Variants in PDE4D observed in about 807,000 individuals in gnomAD.
PDE4D encodes phosphodiesterase 4D.
In PDE4D, 24 loss-of-function variants were observed where a neutral mutation model predicts 87.4. The observed-to-expected ratio is 0.27, with a 90% CI of 0.20 to 0.39. The LOEUF (loss-of-function observed/expected upper bound fraction) is 0.39. Ranked by LOEUF, PDE4D falls within the 10% of genes least tolerant of loss-of-function variation. PDE4D has a pLI of 1.00. For synonymous variants in PDE4D, 384 were observed against 383.2 expected (o/e 1.00, Z -0.02); for missense variants, 714 against 1,041.0 (o/e 0.69, Z 4.32).
At chr5:59,241,524 T>G (rs1757677484) in intron 1 of PDE4D, among the ~76,000 whole-genome samples, 1 of 152,190 alleles carries the variant, frequency 6.6e-6, no homozygotes, top group Non-Finnish European at 1.5e-5. Context: ...TGAGAGAATA[T>G]TTGTTAGAGA....
At chr5:59,323,072 C>T (rs1307474087) in intron 1 of PDE4D, among the ~76,000 whole-genome samples, 1 of 152,104 alleles carries the variant, frequency 6.6e-6, no homozygotes, top group African/African-American at 2.4e-5. Flanking sequence ...AATCCCTAAC[C>T]TTTCTATTTT....
At chr5:60,394,965 C>G (rs940915390) in intron 1 of PDE4D, among the ~76,000 whole-genome samples, 3 of 152,170 alleles carry the variant, frequency 2.0e-5, no homozygotes, top group Non-Finnish European at 4.4e-5. Flanking sequence ...TTAGCTGTCT[C>G]ACATTTTCGC....
intron 1 of PDE4D, among the ~76,000 whole-genome samples, chr5:59,498,901 A>G (rs2153663468): frequency 6.6e-6 from 1 of 152,210 alleles, no homozygotes; most frequent in South Asian, 2.1e-4. Context: ...TATTTAATAA[A>G]TTTGATAGTT....
At chr5:59,408,844 T>C (rs1311197787) in intron 1 of PDE4D, among the ~76,000 whole-genome samples, 3 of 152,080 alleles carry the variant, frequency 2.0e-5, no homozygotes. Context: ...GCTGATTTCT[T>C]CCTTTTAGAA....
chr5:59,567,312 T>C (rs1821108047), intron 1 of PDE4D, among the ~76,000 whole-genome samples: 1 of 152,224 alleles, frequency 6.6e-6, no homozygotes, highest in South Asian at 2.1e-4. Flanking sequence ...TACAAGTTAC[T>C]ATTCTCCTTA....
In PDE4D at chr5:59,342,205, A is replaced by C. The variant is rs1778845702; in HGVS notation, c.456-126237T>G. ...AAATTATGATTTTACATATCTTTGA[A>C]GGTCTTAACGGAAAGGAACTTTGTA... On this transcript the variant is annotated intron_variant, in intron 1 of 14. Coordinates refer to ENST00000340635, the MANE Select transcript of PDE4D (RefSeq NM_001104631.2). Among the ~76,000 whole-genome samples, 7 of 152,220 alleles carry C rather than the reference A, an allele frequency of 4.6e-5. No homozygotes were observed. The South Asian group carries it at 1.2e-3, about 27-fold the overall frequency.
chr5:59,146,887 C>T (rs200467453), intron 5 of PDE4D, among the ~76,000 whole-genome samples: 1 of 152,142 alleles, frequency 6.6e-6, no homozygotes, highest in Admixed American at 6.6e-5. Flanking sequence ...CAGGGATCCC[C>T]AACCTCCAAG....
intron 1 of PDE4D, among the ~76,000 whole-genome samples, chr5:59,507,664 C>CAA (rs1284106865): frequency 1.8e-3 from 142 of 79,790 alleles, no homozygotes; most frequent in African/African-American, 6.9e-3. Flanking sequence ...TACCCTGTCT[C>CAA]AAAAAAAAAA....
intron 1 of PDE4D, among the ~76,000 whole-genome samples, chr5:59,720,788 C>T (rs1364108630): frequency 6.6e-6 from 1 of 152,138 alleles, no homozygotes; most frequent in Non-Finnish European, 1.5e-5. Context: ...AGAAAGTTCT[C>T]TTTTGCTGGT....
intron 1 of PDE4D, among the ~76,000 whole-genome samples, chr5:59,303,027 C>T (rs12653844): frequency 0.12 from 18,422 of 152,060 alleles, 1,163 homozygotes; most frequent in East Asian, 0.21. Flanking sequence ...TCCTGATCAC[C>T]CCTTCCATGC....
At chr5:60,146,172 C>T (rs182005899) in intron 2 of PDE4D, among the ~76,000 whole-genome samples, 1 of 152,290 alleles carries the variant, frequency 6.6e-6, no homozygotes, top group African/African-American at 2.4e-5. Flanking sequence ...CAAGCTCGCG[C>T]CACTGCACTC....
chr5:60,066,271 T>C (rs2152892395), intron 2 of PDE4D, among the ~76,000 whole-genome samples: 1 of 152,320 alleles, frequency 6.6e-6, no homozygotes, highest in Admixed American at 6.5e-5. Context: ...CGCCCACTTT[T>C]TGATGGGGTT....
chr5:59,396,386 G>T (rs538501413), intron 1 of PDE4D, among the ~76,000 whole-genome samples: 3 of 95,812 alleles, frequency 3.1e-5, no homozygotes, highest in African/African-American at 1.0e-4. Context: ...CAGATCTCTC[G>T]GCAGAAACCC....
At chr5:59,906,884 T>C (rs1275676743) in intron 3 of PDE4D, among the ~76,000 whole-genome samples, 1 of 152,164 alleles carries the variant, frequency 6.6e-6, no homozygotes, top group Non-Finnish European at 1.5e-5. Context: ...ACTGGGTATA[T>C]ACCCAAAGGA....
chr5:59,650,623 A>T (rs990705769), intron 1 of PDE4D, among the ~76,000 whole-genome samples: 1 of 151,878 alleles, frequency 6.6e-6, no homozygotes. Flanking sequence ...AAGTCTTATT[A>T]AAAAAAATAA....
At chr5:60,515,112 A>T (rs1161797404) in intron 1 of PDE4D, among the ~76,000 whole-genome samples, 1 of 152,162 alleles carries the variant, frequency 6.6e-6, no homozygotes, top group African/African-American at 2.4e-5. Context: ...GATGTATATG[A>T]TCACTGCAGT....
At chr5:60,144,211 C>T (rs1472159333) in intron 2 of PDE4D, among the ~76,000 whole-genome samples, 3 of 152,198 alleles carry the variant, frequency 2.0e-5, no homozygotes, top group Admixed American at 6.5e-5. Context: ...AGCTGTCTGG[C>T]TCTGTTTCTC....
At chr5:60,487,564 A>T (rs1379296854) in intron 1 of PDE4D, 1 of 152,146 alleles carries the variant, frequency 6.6e-6, no homozygotes, top group Non-Finnish European at 1.5e-5. Flanking sequence ...TCAGTTTTGG[A>T]CTGAGATGCT....
intron 1 of PDE4D, among the ~76,000 whole-genome samples, chr5:59,700,532 A>T (rs16890117): frequency 1.3e-5 from 2 of 152,222 alleles, no homozygotes; most frequent in Non-Finnish European, 2.9e-5. Context: ...CACACCTAAT[A>T]AATGAACAAA....
Sources: allele counts gnomAD v4.1 joint callset (sites outside exome capture counted in the v4.1 genomes callset), GRCh38; gene constraint gnomAD v4.1.1; transcripts MANE v1.5; gene names NCBI Gene and HGNC (gene_info 2026-07-23, HGNC 2026-07-21).